Variants in PDE3B observed in about 807,000 individuals in gnomAD.
PDE3B encodes the protein phosphodiesterase 3B.
Under a neutral mutation model 116.8 loss-of-function variants are expected in PDE3B, and 66 were observed. The observed-to-expected ratio is 0.56, with a 90% CI of 0.46 to 0.69. PDE3B has a LOEUF of 0.69. Ranked by LOEUF, PDE3B falls within the 30% of genes least tolerant of loss-of-function variation. The pLI, the probability that PDE3B is intolerant of heterozygous loss-of-function variation, is 0.00. For missense variants in PDE3B, 1,384 were observed against 1,368.1 expected (o/e 1.01, Z -0.18); for synonymous variants, 595 against 533.6 (o/e 1.12, Z -1.59).
chr11:14,869,451 A>C lies in PDE3B; in HGVS notation c.3140-10A>C. On this transcript the variant is annotated splice_polypyrimidine_tract_variant and intron_variant, in intron 15 of 15. Coordinates refer to ENST00000282096, the MANE Select transcript of PDE3B (RefSeq NM_000922.4). The stretch of plus-strand genomic sequence containing the variant: ...CTATGATTAGAATATATTTATTTTA[A>C]ATTTCACAGAACCACCAAGAAGGAA... 6.2e-7 allele frequency: 1 copy of C among 1,603,562 alleles called. No individual in the cohort carries two copies. The highest frequency in any genetic ancestry group is 8.5e-7 in the Non-Finnish European group (1 of 1,176,196).
intron 1 of PDE3B, among the ~76,000 whole-genome samples, chr11:14,660,485 G>A (rs1000283185): frequency 1.3e-5 from 2 of 150,864 alleles, no homozygotes; most frequent in African/African-American, 4.9e-5. Context: ...TTTGTATTTT[G>A]TAGAGATGAG....
At chr11:14,860,354 A>G (rs1008054329) in intron 13 of PDE3B, among the ~76,000 whole-genome samples, 26 of 151,992 alleles carry the variant, frequency 1.7e-4, no homozygotes, top group African/African-American at 5.5e-4. Flanking sequence ...AGTGTTTTCT[A>G]TGGTGGTGTT....
intron 1 of PDE3B, chr11:14,674,226 T>G (rs963542871): frequency 2.4e-6 from 3 of 1,229,192 alleles, no homozygotes; most frequent in Non-Finnish European, 3.6e-6. Flanking sequence ...TGTTCTTTTT[T>G]GTTTTCACTT....
intron 12 of PDE3B, among the ~76,000 whole-genome samples, chr11:14,856,071 G>C (rs1847843835): frequency 6.6e-6 from 1 of 152,224 alleles, no homozygotes; most frequent in Non-Finnish European, 1.5e-5. Context: ...CTGGTGTGAG[G>C]TGATTAGACC....
intron 1 of PDE3B, among the ~76,000 whole-genome samples, chr11:14,686,596 G>C (rs1453542190): frequency 6.6e-6 from 1 of 152,118 alleles, no homozygotes; most frequent in African/African-American, 2.4e-5. Context: ...AAAGAGGAAA[G>C]TAAAGACTGA....
intron 1 of PDE3B, among the ~76,000 whole-genome samples, chr11:14,702,072 T>G (rs1415243469): frequency 6.6e-6 from 1 of 151,646 alleles, no homozygotes; most frequent in Non-Finnish European, 1.5e-5. Context: ...CCTAGGTTAA[T>G]TTGCCTAATT....
At chr11:14,749,040 C>T (rs531231470) in intron 1 of PDE3B, among the ~76,000 whole-genome samples, 1 of 152,116 alleles carries the variant, frequency 6.6e-6, no homozygotes, top group Admixed American at 6.5e-5. Flanking sequence ...AGGTATGTAC[C>T]ACCATGCCTG....
chr11:14,808,059 C>CAA lies in PDE3B; in HGVS notation c.1522+4026_1522+4027dup, dbSNP rs765095329. On this transcript the variant is annotated intron_variant, in intron 5 of 15. Transcript: ENST00000282096. ...TGGACGACAAAGCGAGCCTTCGTCTCAAAAAAAAAAAAAAAAAAGTAATCT... is the reference window on the plus strand; with the variant it reads ...TGGACGACAAAGCGAGCCTTCGTCTCAAAAAAAAAAAAAAAAAAAAGTAATCT... Among the ~76,000 whole-genome samples, 13 of 67,358 alleles carry CAA rather than the reference C, an allele frequency of 1.9e-4. No individual in the cohort carries two copies. In the South Asian group the frequency reaches 4.7e-3, roughly 24 times the overall value. The allele number at this position is 67,358 out of a possible 152,430, so 44.2% of individuals were successfully genotyped here.
intron 1 of PDE3B, among the ~76,000 whole-genome samples, chr11:14,680,588 G>GTA (rs1207338329): frequency 6.6e-6 from 1 of 152,098 alleles, no homozygotes; most frequent in Non-Finnish European, 1.5e-5. Context: ...ATTTGTATGT[G>GTA]TATATACATG....
intron 1 of PDE3B, among the ~76,000 whole-genome samples, chr11:14,718,486 C>A (rs1390075921): frequency 6.7e-6 from 1 of 148,356 alleles, no homozygotes. Flanking sequence ...CAGCACCACA[C>A]CACACCTATT....
chr11:14,722,907 GATAA>G (rs1475753209), intron 1 of PDE3B, among the ~76,000 whole-genome samples: 3 of 152,268 alleles, frequency 2.0e-5, no homozygotes, highest in African/African-American at 7.2e-5. Context: ...GGTGTTAAAT[GATAA>G]ATAGATACAG....
chr11:14,723,042 A>G (rs915016318), intron 1 of PDE3B, among the ~76,000 whole-genome samples: 1 of 152,252 alleles, frequency 6.6e-6, no homozygotes, highest in Non-Finnish European at 1.5e-5. Context: ...CCTAAATGGC[A>G]TCTGGCCATT....
At chr11:14,741,458 C>T (rs557520346) in intron 1 of PDE3B, among the ~76,000 whole-genome samples, 139 of 151,982 alleles carry the variant, frequency 9.1e-4, no homozygotes, top group Non-Finnish European at 1.7e-3. Flanking sequence ...AAATATTCTG[C>T]TATCTTTTTT....
intron 1 of PDE3B, among the ~76,000 whole-genome samples, chr11:14,759,284 A>C (rs1857285918): frequency 6.6e-6 from 1 of 152,158 alleles, no homozygotes; most frequent in African/African-American, 2.4e-5. Flanking sequence ...CTGGCCTCAT[A>C]AAATGAGTTA....
chr11:14,849,656 C>T (rs1847698583), intron 12 of PDE3B, among the ~76,000 whole-genome samples: 1 of 152,114 alleles, frequency 6.6e-6, no homozygotes, highest in Non-Finnish European at 1.5e-5. Context: ...AAACACACAA[C>T]CCCATCAACA....
At chr11:14,754,717 C>T (rs1857140487) in intron 1 of PDE3B, among the ~76,000 whole-genome samples, 1 of 152,112 alleles carries the variant, frequency 6.6e-6, no homozygotes, top group Admixed American at 6.6e-5. Flanking sequence ...CCAGCCTGGG[C>T]AACATTGCAA....
rs1304452428 is a variant in PDE3B, at chr11:14,758,201, G to C, written c.979-13736G>C. On this transcript the variant is annotated intron_variant, in intron 1 of 15. Transcript: ENST00000282096. ...TACCAGTACCATGCTGTTTTGGTTA[G>C]TGTAGCCTTGTAGTATAGTTTGAAG... is the stretch of plus-strand genomic sequence containing the variant. Among the ~76,000 whole-genome samples the C allele has an allele frequency of 3.4e-3, 520 of 152,118 alleles. 2 individuals carry two copies. The highest frequency in any genetic ancestry group is 0.014 in the Middle Eastern group (4 of 294).
intron 1 of PDE3B, among the ~76,000 whole-genome samples, chr11:14,649,314 T>C (rs1853498768): frequency 6.6e-6 from 1 of 152,200 alleles, no homozygotes; most frequent in Non-Finnish European, 1.5e-5. Context: ...GTATAAATGT[T>C]GGTATAGATA....
At chr11:14,839,605 A>C (rs1860160504) in intron 11 of PDE3B, among the ~76,000 whole-genome samples, 1 of 152,200 alleles carries the variant, frequency 6.6e-6, no homozygotes, top group Admixed American at 6.5e-5. Context: ...ATTGATCTGG[A>C]GAGTTGTTTT....
Sources: allele counts gnomAD v4.1 joint callset (sites outside exome capture counted in the v4.1 genomes callset), GRCh38; gene constraint gnomAD v4.1.1; transcripts MANE v1.5; gene names NCBI Gene and HGNC (gene_info 2026-07-23, HGNC 2026-07-21).